Variants in LMBR1 observed in about 807,000 individuals in gnomAD.
LMBR1 encodes the protein limb development membrane protein 1, also known as limb region 1 protein homolog.
LMBR1 carries 52 observed loss-of-function variants against 73.9 expected under a neutral mutation model. That is an observed-to-expected ratio of 0.70 (90% CI 0.56 to 0.89). LMBR1 has a LOEUF of 0.89. Among genes scored for constraint, LMBR1 ranks in the 40% least tolerant of loss-of-function variants. The probability of loss-of-function intolerance (pLI) is 0.00; values close to 1 mark genes in which losing one functional copy is unlikely to be tolerated. For synonymous variants in LMBR1, 215 were observed against 209.4 expected (o/e 1.03, Z -0.23); for missense variants, 539 against 579.8 (o/e 0.93, Z 0.72).
In LMBR1 at chr7:156,892,960, G is replaced by A; in HGVS notation, c.34C>T (p.Gln12Ter). 6.5e-7 allele frequency: 1 copy of A among 1,543,718 alleles called. No homozygotes were observed. The highest frequency in any genetic ancestry group is 1.2e-5 in the South Asian group (1 of 84,750). ...TCCCGCACTTGGCTGTGGAAGTGCT[G>A]CTCCCGCGCCGACACCTCGTCCTGC... ...EGQDEVSARE[Q>*]HFHSQVREST... Residue 12 changes from glutamine (Q) to a stop codon, truncating the protein, a stop_gained, in exon 1 of 17, where the codon CAG (glutamine) becomes TAG (stop). Transcript: ENST00000353442. LOFTEE classifies it high-confidence loss of function.
chr7:156,840,893 A>G (rs916853933), intron 1 of LMBR1, among the ~76,000 whole-genome samples: 4 of 142,928 alleles, frequency 2.8e-5, no homozygotes, highest in Admixed American at 2.2e-4. Flanking sequence ...TGAACCTGGG[A>G]GGCAGAGGTT....
intron 1 of LMBR1, among the ~76,000 whole-genome samples, chr7:156,854,125 A>C (rs1796623771): frequency 6.6e-6 from 1 of 152,196 alleles, no homozygotes; most frequent in African/African-American, 2.4e-5. Flanking sequence ...CATCCTCGTA[A>C]CAAGAAAAAA....
At chr7:156,850,739 T>C (rs1796121202) in intron 1 of LMBR1, among the ~76,000 whole-genome samples, 1 of 152,240 alleles carries the variant, frequency 6.6e-6, no homozygotes, top group Admixed American at 6.5e-5. Context: ...CACAAGGATG[T>C]ATATATAAAG....
chr7:156,781,782 C>T (rs1827172541), intron 5 of LMBR1, among the ~76,000 whole-genome samples: 1 of 152,228 alleles, frequency 6.6e-6, no homozygotes, highest in Admixed American at 6.5e-5. Context: ...CCACAAAACA[C>T]TGCCATGTTT....
intron 4 of LMBR1, among the ~76,000 whole-genome samples, chr7:156,806,290 G>A (rs1490988457): frequency 6.6e-6 from 1 of 152,156 alleles, no homozygotes; most frequent in Non-Finnish European, 1.5e-5. Flanking sequence ...TTAACTGCCA[G>A]TATATAGAAA....
At chr7:156,821,126 C>T (rs1287982614) in intron 4 of LMBR1, among the ~76,000 whole-genome samples, 1 of 152,210 alleles carries the variant, frequency 6.6e-6, no homozygotes, top group Non-Finnish European at 1.5e-5. Flanking sequence ...TCCGACCCAC[C>T]AAGCCAGAAA....
At chr7:156,784,787 T>C (rs1270377081) in intron 5 of LMBR1, among the ~76,000 whole-genome samples, 1 of 152,206 alleles carries the variant, frequency 6.6e-6, no homozygotes, top group Non-Finnish European at 1.5e-5. Flanking sequence ...ACTCTAACTC[T>C]ACACAGATGT....
intron 9 of LMBR1, among the ~76,000 whole-genome samples, chr7:156,737,541 A>G (rs1014176417): frequency 6.6e-6 from 1 of 152,082 alleles, no homozygotes; most frequent in African/African-American, 2.4e-5. Context: ...GAACTCCTCT[A>G]AGTTGGACAC....
chr7:156,836,451 C>G (rs572053619), intron 2 of LMBR1, among the ~76,000 whole-genome samples: 14 of 152,150 alleles, frequency 9.2e-5, no homozygotes, highest in Non-Finnish European at 1.6e-4. Context: ...CTACTATATG[C>G]TCTAGTAGCC....
chr7:156,795,685 T>C (rs1390528555), intron 5 of LMBR1, among the ~76,000 whole-genome samples: 2 of 152,128 alleles, frequency 1.3e-5, no homozygotes, highest in Non-Finnish European at 2.9e-5. Context: ...CCAGAGGGGC[T>C]GGGACCACAG....
chr7:156,826,798 A>G (rs919548095), intron 3 of LMBR1, 54 bp from the exon 4 acceptor site: 26 of 1,497,060 alleles, frequency 1.7e-5, no homozygotes, highest in Admixed American at 1.3e-4. Context: ...AATGAACACG[A>G]AAGTCATCAA....
At chr7:156,751,732 C>T (rs58281337) in intron 9 of LMBR1, among the ~76,000 whole-genome samples, 3,168 of 152,288 alleles carry the variant, frequency 0.021, 120 homozygotes, top group African/African-American at 0.072. Context: ...GAGAAAGAGA[C>T]TCCAAGGATT....
intron 5 of LMBR1, among the ~76,000 whole-genome samples, chr7:156,778,686 A>G (rs2133156841): frequency 6.6e-6 from 1 of 152,352 alleles, no homozygotes; most frequent in East Asian, 1.9e-4. Flanking sequence ...ATAAGCTGTT[A>G]TCACTATCTT....
chr7:156,693,713 C>G (rs1015481614), intron 15 of LMBR1, among the ~76,000 whole-genome samples: 9 of 152,110 alleles, frequency 5.9e-5, no homozygotes, highest in Non-Finnish European at 1.2e-4. Flanking sequence ...CCAGACAATT[C>G]AAAGAAAAAC....
At chr7:156,876,678 C>T (rs1484537279) in intron 1 of LMBR1, among the ~76,000 whole-genome samples, 1 of 152,048 alleles carries the variant, frequency 6.6e-6, no homozygotes, top group Non-Finnish European at 1.5e-5. Flanking sequence ...CCTTCAAAAC[C>T]AGACAAATAC....
intron 1 of LMBR1, among the ~76,000 whole-genome samples, chr7:156,878,995 T>C (rs1425986805): frequency 2.0e-5 from 3 of 152,128 alleles, no homozygotes; most frequent in African/African-American, 7.2e-5. Context: ...AAGCCACATG[T>C]AGGAGAATGA....
chr7:156,736,771 A>G (rs917164131), intron 9 of LMBR1, among the ~76,000 whole-genome samples: 2 of 152,224 alleles, frequency 1.3e-5, no homozygotes, highest in Non-Finnish European at 2.9e-5. Context: ...AACTATGACC[A>G]GCTTTCCTTC....
intron 1 of LMBR1, among the ~76,000 whole-genome samples, chr7:156,890,699 T>C (rs1802752424): frequency 6.6e-6 from 1 of 152,190 alleles, no homozygotes; most frequent in South Asian, 2.1e-4. Context: ...TATCAAGTAT[T>C]GATAAAGATG....
intron 4 of LMBR1, among the ~76,000 whole-genome samples, chr7:156,819,625 T>C (rs1273767924): frequency 6.6e-6 from 1 of 152,176 alleles, no homozygotes; most frequent in African/African-American, 2.4e-5. Context: ...GACAAATGAA[T>C]ATTAGTGATA....
Sources: gnomAD v4.1 joint callset for allele counts (sites outside exome capture counted in the v4.1 genomes callset) on GRCh38, gnomAD v4.1.1 for gene constraint, MANE v1.5 for transcripts, NCBI Gene and HGNC (gene_info 2026-07-23, HGNC 2026-07-21) for gene names.